Variants in XRN2 observed in about 807,000 individuals in gnomAD.
XRN2 encodes 5'-3' exoribonuclease 2.
Under a neutral mutation model 138.5 loss-of-function variants are expected in XRN2, and 44 were observed. That is an observed-to-expected ratio of 0.32 (90% CI 0.25 to 0.41). The LOEUF (loss-of-function observed/expected upper bound fraction) is 0.41. Ranked by LOEUF, XRN2 falls within the 10% of genes least tolerant of loss-of-function variation. The pLI, the probability that XRN2 is intolerant of heterozygous loss-of-function variation, is 1.00. For missense variants in XRN2, 937 were observed against 1,169.3 expected (o/e 0.80, Z 2.90); for synonymous variants, 354 against 369.4 (o/e 0.96, Z 0.48).
rs974380747 is a variant in XRN2, at chr20:21,368,454, C to T, written c.2457-9C>T. 3.1e-6 allele frequency: 5 copies of T among 1,612,384 alleles called. No homozygotes were observed. The African/African-American group carries it at 4.0e-5, about 13-fold the overall frequency. ...CAATTTTTTTTTCTTGTGTTGGGTC[C>T]TTTTATAGCCATGTGATGCCAAGAG... On this transcript the variant is annotated splice_polypyrimidine_tract_variant and intron_variant, in intron 26 of 29. Transcript: ENST00000377191.
chr20:21,340,893 T>C, intron 15 of XRN2, 41 bp downstream of exon 15: 1 of 1,611,392 alleles, frequency 6.2e-7, no homozygotes, highest in Non-Finnish European at 8.5e-7. Context: ...GAGTGGTGAA[T>C]ATCACATACC....
At chr20:21,309,325 T>TTA (rs2037846511) in intron 1 of XRN2, among the ~76,000 whole-genome samples, 2 of 152,218 alleles carry the variant, frequency 1.3e-5, no homozygotes, top group South Asian at 4.1e-4. Context: ...TTAAGTTTCT[T>TTA]TAGTTGATCT....
Position 21,346,538 on chromosome 20 carries a change from A to G in XRN2, c.1653A>G (p.Arg551=), listed in dbSNP as rs781272329. 16 of 1,613,660 alleles carry G rather than the reference A, an allele frequency of 9.9e-6. No homozygotes were observed. Among genetic ancestry groups the G allele is most frequent in the Non-Finnish European group, 1.4e-5 (16 of 1,179,766 alleles). Residue 551 remains arginine (R), a synonymous_variant, in exon 17 of 30, where the codon AGA becomes AGG. Transcript: ENST00000377191. ...SYVEGLCWVL[R]YYYQGCASWK... is the part of the protein sequence containing the mutation. ...TTGAAGGACTTTGCTGGGTTCTTAG[A>G]TATTATTACCAGGTACAAAAAGAAT...
chr20:21,331,411 A>G (rs1329613421), intron 6 of XRN2, 150 bp from the exon 7 acceptor site: 1 of 628,526 alleles, frequency 1.6e-6, no homozygotes, highest in Admixed American at 3.1e-5. Context: ...ACACACACAC[A>G]CACACACACA....
At chr20:21,379,917 T>G (rs2122354318) in intron 27 of XRN2, among the ~76,000 whole-genome samples, 1 of 152,334 alleles carries the variant, frequency 6.6e-6, no homozygotes, top group Non-Finnish European at 1.5e-5. Flanking sequence ...ATCTTTATTT[T>G]TCTTAAAACA....
intron 1 of XRN2, among the ~76,000 whole-genome samples, chr20:21,318,191 T>C (rs1371655098): frequency 1.3e-5 from 2 of 152,200 alleles, no homozygotes; most frequent in Admixed American, 6.5e-5. Flanking sequence ...ATCTAAGTTA[T>C]CTAATTTGTT....
chr20:21,329,856 GGTGTGTGTGTGT>G lies in XRN2; in HGVS notation c.428-594_428-583del, dbSNP rs60020864. Among the ~76,000 whole-genome samples, 610 of 146,006 alleles carry G rather than the reference GGTGTGTGTGTGT, an allele frequency of 4.2e-3. 8 individuals are homozygous for G. Among genetic ancestry groups the G allele is most frequent in the South Asian group, 0.041 (183 of 4,510 alleles). Reference sequence around the variant, plus strand: ...TTATCAAAAAATATGGCCTCTAACTGGTGTGTGTGTGTGTGTGTGTGTGTGTGTGTGTGTGTG... The same window carrying G: ...TTATCAAAAAATATGGCCTCTAACTGGTGTGTGTGTGTGTGTGTGTGTGTG... On this transcript the variant is annotated intron_variant, in intron 4 of 29. Coordinates refer to ENST00000377191, the MANE Select transcript of XRN2 (RefSeq NM_012255.5).
chr20:21,359,487 G>A lies in XRN2; in HGVS notation c.2255+1695G>A, dbSNP rs533756926. ...GGAGGCCGAGGCCTCAGTGAGCCAA[G>A]ATCACACCACTTGGGCAACAGAGCA... On this transcript the variant is annotated intron_variant, in intron 24 of 29. Coordinates refer to ENST00000377191, the MANE Select transcript of XRN2 (RefSeq NM_012255.5). 1.1e-4 allele frequency among the ~76,000 whole-genome samples: 17 copies of A among 148,194 alleles called. 1 individual carries two copies. The highest frequency in any genetic ancestry group is 4.0e-4 in the African/African-American group (16 of 39,868).
At chr20:21,330,563 G>A (rs1568574483) in intron 5 of XRN2, 24 bp downstream of exon 5, 1 of 1,613,670 alleles carries the variant, frequency 6.2e-7, no homozygotes. Context: ...TACTTTGCTA[G>A]CTATTGCTAA....
chr20:21,386,759 T>C lies in XRN2; in HGVS notation c.2649-109T>C, dbSNP rs1600724208. The C allele has an allele frequency of 2.2e-6, 3 of 1,378,690 alleles. No homozygotes were observed. The East Asian group carries it at 7.0e-5, about 32-fold the overall frequency. The allele number at this position is 1,378,690 out of a possible 1,614,324, so 85.4% of individuals were successfully genotyped here. A position where few individuals can be genotyped will look rare whatever the true frequency, so the allele number is the denominator to read the frequency against. ...GATACTCTGTATCCCATATGATAAA[T>C]CCAGGTAAATTGGATTGTACTAAAA... On this transcript the variant is annotated intron_variant, in intron 28 of 29. Coordinates refer to ENST00000377191, the MANE Select transcript of XRN2 (RefSeq NM_012255.5).
At chr20:21,313,919 T>G (rs1308942829) in intron 1 of XRN2, among the ~76,000 whole-genome samples, 1 of 152,238 alleles carries the variant, frequency 6.6e-6, no homozygotes, top group Non-Finnish European at 1.5e-5. Flanking sequence ...TTTAAACAGC[T>G]TTGTTGAGAT....
At chr20:21,364,307 A>G (rs1490171790) in intron 24 of XRN2, among the ~76,000 whole-genome samples, 1 of 152,210 alleles carries the variant, frequency 6.6e-6, no homozygotes, top group African/African-American at 2.4e-5. Flanking sequence ...AACATTATGA[A>G]TAATAGTGTT....
intron 20 of XRN2, among the ~76,000 whole-genome samples, chr20:21,353,535 A>G (rs1188171022): frequency 6.6e-6 from 1 of 151,906 alleles, no homozygotes; most frequent in Non-Finnish European, 1.5e-5. Flanking sequence ...TCATGCTTGT[A>G]ATCTCAGGAC....
At chr20:21,342,841 G>A (rs2038389308) in intron 15 of XRN2, among the ~76,000 whole-genome samples, 2 of 152,108 alleles carry the variant, frequency 1.3e-5, no homozygotes, top group South Asian at 2.1e-4. Flanking sequence ...GTTGAATTTG[G>A]TATTTCAGAC....
intron 27 of XRN2, among the ~76,000 whole-genome samples, chr20:21,374,809 T>C (rs1009934776): frequency 1.3e-5 from 2 of 151,940 alleles, no homozygotes; most frequent in African/African-American, 4.8e-5. Context: ...TAAAACAAAT[T>C]AGAAAATATT....
intron 1 of XRN2, among the ~76,000 whole-genome samples, chr20:21,314,504 T>C (rs779677902): frequency 1.3e-5 from 2 of 152,170 alleles, no homozygotes; most frequent in African/African-American, 4.8e-5. Flanking sequence ...TGCCAGCCAC[T>C]TTCCCAGGTT....
chr20:21,359,271 C>A (rs368333760), intron 24 of XRN2, among the ~76,000 whole-genome samples: 78 of 152,254 alleles, frequency 5.1e-4, no homozygotes, highest in African/African-American at 1.9e-3. Flanking sequence ...GTGGCTCACA[C>A]CTGTAATCCC....
At chr20:21,353,822 A>G (rs2038543639) in intron 20 of XRN2, among the ~76,000 whole-genome samples, 1 of 151,174 alleles carries the variant, frequency 6.6e-6, no homozygotes, top group African/African-American at 2.4e-5. Context: ...AACTGTTACT[A>G]GGTAGTGAAA....
chr20:21,312,781 AT>A (rs2037900722), intron 1 of XRN2, among the ~76,000 whole-genome samples: 1 of 151,858 alleles, frequency 6.6e-6, no homozygotes, highest in Non-Finnish European at 1.5e-5. Context: ...TAATTTTTGT[AT>A]TTTTAGTAGA....
Sources: allele counts gnomAD v4.1 joint callset (sites outside exome capture counted in the v4.1 genomes callset), GRCh38; gene constraint gnomAD v4.1.1; transcripts MANE v1.5; gene names NCBI Gene and HGNC (gene_info 2026-07-23, HGNC 2026-07-21).